RTL4: variants seen among roughly 807,000 people sequenced by gnomAD.
RTL4 encodes retrotransposon Gag-like protein 4.
RTL4 carries 4 observed loss-of-function variants against 5.3 expected under a neutral mutation model. The observed-to-expected ratio is 0.75, with a 90% confidence interval of 0.37 to 1.72. The LOEUF (loss-of-function observed/expected upper bound fraction) is 1.72. RTL4 is among the 40% of genes most tolerant of loss of function. The pLI is 0.04. For missense variants in RTL4, 260 were observed against 227.1 expected (o/e 1.14, Z -0.93); for synonymous variants, 98 against 87.3 (o/e 1.12, Z -0.68).
At chrX:112,111,119 C>T in the RTL4 span, among the ~76,000 whole-genome samples, 2 of 111,614 alleles carry the variant, frequency 1.8e-5, no homozygotes, top group Non-Finnish European at 3.8e-5. Context: ...TCTTTCTTTA[C>T]TACTTTTCTC....
the RTL4 span, among the ~76,000 whole-genome samples, chrX:112,173,255 A>G: frequency 4.5e-5 from 5 of 111,411 alleles, no homozygotes; most frequent in African/African-American, 1.6e-4. Context: ...AATAAAGTAC[A>G]GGATCCTAGA....
At chrX:112,419,473 C>T in the RTL4 span, among the ~76,000 whole-genome samples, 1 of 88,618 alleles carries the variant, frequency 1.1e-5, no homozygotes, top group South Asian at 6.2e-4. Context: ...GATTCTCCTG[C>T]CTCAGCCTCC....
the RTL4 span, among the ~76,000 whole-genome samples, chrX:112,291,367 TAC>T: frequency 0.081 from 7,701 of 95,005 alleles, 293 homozygotes; most frequent in South Asian, 0.12. Flanking sequence ...TGTATGTTTG[TAC>T]ACACACACAC....
chrX:112,109,346 G>A, the RTL4 span, among the ~76,000 whole-genome samples: 3 of 111,721 alleles, frequency 2.7e-5, no homozygotes, highest in African/African-American at 9.8e-5. Flanking sequence ...GACACAAAGA[G>A]TGAGCAACAG....
the RTL4 span, among the ~76,000 whole-genome samples, chrX:112,152,060 T>C: frequency 8.9e-6 from 1 of 111,903 alleles, no homozygotes; most frequent in Non-Finnish European, 1.9e-5. Context: ...GATAACGTTA[T>C]GATAACTTGA....
chrX:112,312,363 A>G, the RTL4 span, among the ~76,000 whole-genome samples: 4,220 of 111,966 alleles, frequency 0.038, 220 homozygotes, highest in African/African-American at 0.13. Flanking sequence ...AATTCAGATT[A>G]GAAGTGATAC....
the RTL4 span, among the ~76,000 whole-genome samples, chrX:112,226,973 A>AG: frequency 1.3e-4 from 9 of 68,462 alleles, no homozygotes; most frequent in African/African-American, 3.2e-4. Context: ...AAATAAAATA[A>AG]TAAAATAAAA....
the RTL4 span, among the ~76,000 whole-genome samples, chrX:112,284,159 A>T: frequency 9.2e-6 from 1 of 108,177 alleles, no homozygotes; most frequent in Non-Finnish European, 1.9e-5. Context: ...CTTTTATTAT[A>T]TATACATATA....
At chrX:112,454,144 G>T (rs192436206), upstream of RTL4, among the ~76,000 whole-genome samples, 154 of 111,846 alleles carry the variant, frequency 1.4e-3, 1 homozygote, top group African/African-American at 4.7e-3. Flanking sequence ...CTAATCTTTT[G>T]GCTTCCATGG....
At chrX:112,186,902 C>A in the RTL4 span, among the ~76,000 whole-genome samples, 5 of 112,153 alleles carry the variant, frequency 4.5e-5, no homozygotes, top group Admixed American at 4.7e-4. Flanking sequence ...GTTATTTTGC[C>A]TTTTGACTTA....
the RTL4 span, among the ~76,000 whole-genome samples, chrX:112,327,833 G>T: frequency 1.6e-4 from 18 of 111,777 alleles, no homozygotes; most frequent in African/African-American, 5.2e-4. Context: ...CAAGCCAGAA[G>T]AGAGTTGGGG....
At chrX:112,114,565 A>G in the RTL4 span, among the ~76,000 whole-genome samples, 1 of 111,725 alleles carries the variant, frequency 9.0e-6, no homozygotes, top group Non-Finnish European at 1.9e-5. Context: ...GCTTTAAATC[A>G]GAGAGAGAGA....
the RTL4 span, among the ~76,000 whole-genome samples, chrX:112,093,103 G>T: frequency 9.0e-6 from 1 of 111,068 alleles, no homozygotes; most frequent in East Asian, 2.9e-4. Flanking sequence ...GTTCCTCTCT[G>T]TCACTTGGAT....
At chrX:112,107,993 C>T in the RTL4 span, among the ~76,000 whole-genome samples, 4 of 111,197 alleles carry the variant, frequency 3.6e-5, no homozygotes, top group African/African-American at 1.3e-4. Context: ...TTCTTCCTTC[C>T]GTTTTTTTCT....
chrX:112,379,726 T>G, the RTL4 span, among the ~76,000 whole-genome samples: 3 of 112,331 alleles, frequency 2.7e-5, no homozygotes, highest in South Asian at 3.7e-4. Flanking sequence ...TCAGTAGTTG[T>G]TGATATTTAT....
At chrX:112,320,814 C>T in the RTL4 span, among the ~76,000 whole-genome samples, 1 of 111,620 alleles carries the variant, frequency 9.0e-6, no homozygotes, top group African/African-American at 3.3e-5. Context: ...ACCCACCCCC[C>T]ACATAGGATC....
chrX:112,241,910 A>C, the RTL4 span, among the ~76,000 whole-genome samples: 391 of 112,375 alleles, frequency 3.5e-3, 4 homozygotes, highest in African/African-American at 0.011. Context: ...AGCTTTCTAC[A>C]TATGGCTAGC....
At chrX:112,455,814 C>A (rs923506265) in exon 1 of RTL4, 2 of 527,293 alleles carry the variant, frequency 3.8e-6, no homozygotes, top group Non-Finnish European at 5.8e-6. Context: ...ACAATCAGAT[C>A]TTGTTCATTG....
chrX:112,118,540 C>T, the RTL4 span, among the ~76,000 whole-genome samples: 3 of 111,960 alleles, frequency 2.7e-5, no homozygotes, highest in African/African-American at 9.7e-5. Flanking sequence ...TCCTAAGGAT[C>T]ATGACATTAC....
Sources: allele counts gnomAD v4.1 joint callset (sites outside exome capture counted in the v4.1 genomes callset), GRCh38; gene constraint gnomAD v4.1.1; transcripts MANE v1.5; gene names NCBI Gene and HGNC (gene_info 2026-07-23, HGNC 2026-07-21).